Variants in GRM5 observed in about 807,000 individuals in gnomAD.
GRM5 encodes the protein glutamate metabotropic receptor 5.
Under a neutral mutation model 83.1 loss-of-function variants are expected in GRM5, and 19 were observed. The observed-to-expected ratio is 0.23, with a 90% CI of 0.16 to 0.34. The LOEUF is 0.34. GRM5 is among the 10% of genes least tolerant of loss of function. The probability of loss-of-function intolerance (pLI) is 1.00; values close to 1 mark genes in which losing one functional copy is unlikely to be tolerated. For synonymous variants in GRM5, 675 were observed against 633.6 expected (o/e 1.07, Z -0.98); for missense variants, 1,160 against 1,588.3 (o/e 0.73, Z 4.58).
chr11:88,528,023 TACCCCTGCAAAACACA>T (rs1941921934), intron 8 of GRM5, among the ~76,000 whole-genome samples: 1 of 151,924 alleles, frequency 6.6e-6, no homozygotes, highest in African/African-American at 2.4e-5. Flanking sequence ...CTGCATATTA[TACCCCTGCAAAACACA>T]ACTTACCTAT....
At chr11:88,916,475 C>G (rs577921742) in intron 2 of GRM5, among the ~76,000 whole-genome samples, 1 of 152,174 alleles carries the variant, frequency 6.6e-6, no homozygotes, top group South Asian at 2.1e-4. Flanking sequence ...TAGACCAGCT[C>G]TAGTCAAAGG....
intron 1 of GRM5, among the ~76,000 whole-genome samples, chr11:89,064,854 T>TTCTCTCTCTCTCTCTC (rs144985912): frequency 5.6e-4 from 26 of 46,086 alleles, no homozygotes; most frequent in African/African-American, 2.0e-3. Flanking sequence ...ATTTTTCATA[T>TTCTCTCTCTCTCTCTC]TCTCTCTCTC....
chr11:88,788,556 A>G (rs1201843326), intron 3 of GRM5, among the ~76,000 whole-genome samples: 1 of 152,170 alleles, frequency 6.6e-6, no homozygotes, highest in African/African-American at 2.4e-5. Context: ...TATATTTCAC[A>G]TGACATCTCT....
intron 2 of GRM5, among the ~76,000 whole-genome samples, chr11:88,961,774 T>C (rs1345040333): frequency 6.6e-6 from 1 of 152,192 alleles, no homozygotes; most frequent in African/African-American, 2.4e-5. Flanking sequence ...ATAATCCTTT[T>C]ATGCATGTGG....
intron 8 of GRM5, among the ~76,000 whole-genome samples, chr11:88,539,844 C>T (rs1942224271): frequency 2.6e-5 from 4 of 152,208 alleles, no homozygotes; most frequent in Admixed American, 2.6e-4. Context: ...TTACTTGTCT[C>T]AGCCTGTCTC....
chr11:88,564,082 T>A, intron 8 of GRM5, among the ~76,000 whole-genome samples: 1 of 152,162 alleles, frequency 6.6e-6, no homozygotes, highest in East Asian at 1.9e-4. Flanking sequence ...TTCTTATCCA[T>A]ATCAAAAGCA....
At chr11:88,950,560 T>G (rs1938426033) in intron 2 of GRM5, among the ~76,000 whole-genome samples, 1 of 151,856 alleles carries the variant, frequency 6.6e-6, no homozygotes. Context: ...CTATTGAAAA[T>G]AATACAAGTT....
intron 3 of GRM5, among the ~76,000 whole-genome samples, chr11:88,731,847 G>A (rs537827994): frequency 1.1e-4 from 17 of 151,954 alleles, no homozygotes; most frequent in African/African-American, 3.9e-4. Flanking sequence ...TGAATTTTCT[G>A]ACTTTCTGAA....
intron 2 of GRM5, among the ~76,000 whole-genome samples, chr11:88,999,749 A>C (rs1191315573): frequency 1.3e-5 from 2 of 152,210 alleles, no homozygotes; most frequent in African/African-American, 2.4e-5. Context: ...TATATACCCG[A>C]AGGATCATAA....
intron 3 of GRM5, among the ~76,000 whole-genome samples, chr11:88,841,559 A>T (rs148727852): frequency 0.017 from 2,574 of 152,280 alleles, 63 homozygotes; most frequent in African/African-American, 0.057. Context: ...AGGTTTTCAC[A>T]TCTGCTGGTG....
chr11:88,706,888 T>C (rs1302288119), intron 3 of GRM5, among the ~76,000 whole-genome samples: 3 of 152,038 alleles, frequency 2.0e-5, no homozygotes. Flanking sequence ...ATGAATGGTG[T>C]TTTTGAGGGA....
intron 2 of GRM5, among the ~76,000 whole-genome samples, chr11:88,914,851 A>G (rs1296526721): frequency 6.6e-6 from 1 of 152,152 alleles, no homozygotes; most frequent in Admixed American, 6.6e-5. Flanking sequence ...ATTCCTGGGG[A>G]CTATGAAAGA....
At chr11:88,564,009 A>G (rs1182261753) in intron 8 of GRM5, among the ~76,000 whole-genome samples, 1 of 152,176 alleles carries the variant, frequency 6.6e-6, no homozygotes, top group African/African-American at 2.4e-5. Context: ...ACTGTGGGTT[A>G]AAAAGGAGAG....
At chr11:88,584,205 TACAC>T (rs10526384) in intron 7 of GRM5, among the ~76,000 whole-genome samples, 2,401 of 144,240 alleles carry the variant, frequency 0.017, 26 homozygotes, top group Middle Eastern at 0.052. Flanking sequence ...TGTTTCAAAT[TACAC>T]ACACACACAC....
chr11:88,508,832 C>T lies in GRM5; in HGVS notation c.3399G>A (p.Ala1133=), dbSNP rs751932063. The T allele has an allele frequency of 1.0e-4, 160 of 1,540,230 alleles. No individual in the cohort carries two copies. The highest frequency in any genetic ancestry group is 1.3e-4 in the Non-Finnish European group (151 of 1,143,788). The change falls in exon 10 of 10, where the codon GCG becomes GCA. Residue 1133 remains alanine, a synonymous_variant. Coordinates refer to ENST00000305447, the MANE Select transcript of GRM5 (RefSeq NM_001143831.3). This position sits in a 1 kb window ranked among gnomAD's most constrained non-coding sequence, Gnocchi z 4.2. ...VTGGAQPAAG[A]QAAGDAARES... ...CCCGGGCCGCGTCCCCAGCCGCCTG[C>T]GCCCCTGCCGCGGGCTGCGCGCCTC...
At chr11:88,950,212 C>T (rs182088950) in intron 2 of GRM5, among the ~76,000 whole-genome samples, 72 of 151,938 alleles carry the variant, frequency 4.7e-4, no homozygotes, top group Middle Eastern at 6.8e-3. Context: ...TTAAGGGCAA[C>T]TACTCTTTAT....
At chr11:88,671,004 T>C (rs903082802) in intron 3 of GRM5, among the ~76,000 whole-genome samples, 2 of 151,852 alleles carry the variant, frequency 1.3e-5, no homozygotes, top group Admixed American at 1.3e-4. Flanking sequence ...CAGAAGAATG[T>C]TCACTGACAG....
chr11:88,998,210 G>A lies in GRM5; in HGVS notation c.661+49002C>T, dbSNP rs1287725694. Among the ~76,000 whole-genome samples, 6 of 152,216 alleles carry A rather than the reference G, an allele frequency of 3.9e-5. No homozygotes were observed. In the East Asian group the frequency reaches 9.7e-4, roughly 25 times the overall value. On this transcript the variant is annotated intron_variant, in intron 2 of 9. Coordinates refer to ENST00000305447, the MANE Select transcript of GRM5 (RefSeq NM_001143831.3). ...AAATATTATTAGGTAGAATTCAGCAGTACATAAAAACGAATTCAGCAGTTT... is the reference window on the plus strand; with the variant it reads ...AAATATTATTAGGTAGAATTCAGCAATACATAAAAACGAATTCAGCAGTTT...
At chr11:88,903,092 T>C (rs646072) in intron 2 of GRM5, among the ~76,000 whole-genome samples, 146,317 of 152,092 alleles carry the variant, frequency 0.96, 70,430 homozygotes, top group East Asian at 0.99. Context: ...AATATTTATT[T>C]GTGCACCTGA....
Sources: gnomAD v4.1 joint callset for allele counts (sites outside exome capture counted in the v4.1 genomes callset) on GRCh38, gnomAD v4.1.1 for gene constraint, Gnocchi (gnomAD v3.1) non-coding constraint, MANE v1.5 for transcripts, NCBI Gene and HGNC (gene_info 2026-07-23, HGNC 2026-07-21) for gene names.